Variants in SHTN1 observed in about 807,000 individuals in gnomAD.
SHTN1 encodes the protein shootin-1.
SHTN1 carries 42 observed loss-of-function variants against 83.1 expected under a neutral mutation model. The ratio of observed to expected loss-of-function variants is 0.51; its 90% CI spans 0.39 to 0.65. The LOEUF is 0.65. Among genes scored for constraint, SHTN1 ranks in the 30% least tolerant of loss-of-function variants. The pLI, the probability that SHTN1 is intolerant of heterozygous loss-of-function variation, is 0.00. For missense variants in SHTN1, 622 were observed against 737.8 expected (o/e 0.84, Z 1.82); for synonymous variants, 224 against 247.7 (o/e 0.90, Z 0.90).
chr10:116,903,925 G>A (rs1942033027), intron 15 of SHTN1, among the ~76,000 whole-genome samples: 1 of 152,180 alleles, frequency 6.6e-6, no homozygotes, highest in South Asian at 2.1e-4. Flanking sequence ...TTCTCCAAGA[G>A]GCACTTGCTG....
intron 16 of SHTN1, among the ~76,000 whole-genome samples, chr10:116,895,854 G>GT (rs1847498792): frequency 6.6e-6 from 1 of 152,134 alleles, no homozygotes; most frequent in Admixed American, 6.5e-5. Flanking sequence ...TTTCTCACCT[G>GT]TAAAATTGGG....
At chr10:117,107,973 G>A (rs1319218288) in intron 1 of SHTN1, among the ~76,000 whole-genome samples, 1 of 152,168 alleles carries the variant, frequency 6.6e-6, no homozygotes, top group East Asian at 1.9e-4. Context: ...TTACAGGCAT[G>A]AGCCACTGCA....
intron 2 of SHTN1, among the ~76,000 whole-genome samples, chr10:117,028,218 G>A (rs1852358331): frequency 1.3e-5 from 2 of 152,154 alleles, no homozygotes; most frequent in African/African-American, 4.8e-5. Context: ...TTTCTAAGCA[G>A]AAAACTATTC....
chr10:117,118,038 T>C (rs542764990), intron 1 of SHTN1, among the ~76,000 whole-genome samples: 1 of 152,062 alleles, frequency 6.6e-6, no homozygotes, highest in South Asian at 2.1e-4. Context: ...AAATAGACAA[T>C]GGGATTACAT....
Position 116,995,711 on chromosome 10 carries a change from G to A in SHTN1, c.58+9311C>T, listed in dbSNP as rs7922866. Among the ~76,000 whole-genome samples the A allele has an allele frequency of 7.3e-3, 1,111 of 151,784 alleles. 18 individuals are homozygous for A. The highest frequency in any genetic ancestry group is 0.023 in the African/African-American group (963 of 41,400). On this transcript the variant is annotated intron_variant, in intron 1 of 16. Transcript: ENST00000355371. Reference sequence around the variant, plus strand: ...ATTGCCAAAGTTTGATGAGAATGTCGTATTTTCTGATATGACCAGTTTTTG... The same window carrying A: ...ATTGCCAAAGTTTGATGAGAATGTCATATTTTCTGATATGACCAGTTTTTG...
chr10:117,123,633 G>C (rs367772227), intron 1 of SHTN1, among the ~76,000 whole-genome samples: 65 of 152,148 alleles, frequency 4.3e-4, no homozygotes, highest in African/African-American at 1.5e-3. Context: ...GGCCAGGCAC[G>C]GTGGCTCACG....
rs984303868 is a variant in SHTN1, at chr10:116,940,404, AAT to A, written c.858+60_858+61del. ...GACTGCACTGGCTCCCTTCATCTTA[AAT>A]ATATGTGTGTATGCATGTATGTGTG... On this transcript the variant is annotated intron_variant, in intron 9 of 16. Transcript: ENST00000355371. 2.7e-6 allele frequency: 4 copies of A among 1,484,324 alleles called. No homozygotes were observed. In the Admixed American group the frequency reaches 7.6e-5, roughly 28 times the overall value. The allele number at this position is 1,484,324 out of a possible 1,614,324, so 91.9% of individuals were successfully genotyped here. A position where few individuals can be genotyped will look rare whatever the true frequency, so the allele number is the denominator to read the frequency against.
intron 1 of SHTN1, among the ~76,000 whole-genome samples, chr10:117,110,314 G>T (rs1853746458): frequency 6.6e-6 from 1 of 152,102 alleles, no homozygotes; most frequent in African/African-American, 2.4e-5. Flanking sequence ...AGGCAGTCTT[G>T]AATTTTTTTC....
chr10:117,085,973 T>C (rs1232511529), intron 1 of SHTN1, among the ~76,000 whole-genome samples: 1 of 139,570 alleles, frequency 7.2e-6, no homozygotes, highest in Non-Finnish European at 1.5e-5. Context: ...CAGGCTGGAG[T>C]GCAGTAGCGT....
intron 1 of SHTN1, among the ~76,000 whole-genome samples, chr10:117,064,210 A>G (rs983973647): frequency 1.3e-5 from 2 of 152,208 alleles, no homozygotes; most frequent in African/African-American, 4.8e-5. Context: ...TGCTCCAACC[A>G]TGAGTTTGCT....
At chr10:116,949,025 A>G (rs1849683744) in intron 6 of SHTN1, 28 bp from the exon 7 acceptor site, 1 of 1,497,836 alleles carries the variant, frequency 6.7e-7, no homozygotes, top group Non-Finnish European at 8.9e-7. Flanking sequence ...TGAGGGGAGA[A>G]AACACCAAAA....
At chr10:117,007,399 T>C (rs960475450), upstream of SHTN1, among the ~76,000 whole-genome samples, 1 of 151,678 alleles carries the variant, frequency 6.6e-6, no homozygotes, top group African/African-American at 2.4e-5. Flanking sequence ...TAAGAATGAG[T>C]TAATTATCAA....
intron 1 of SHTN1, among the ~76,000 whole-genome samples, chr10:117,099,039 C>CACACACAT (rs1176843107): frequency 2.0e-5 from 3 of 150,854 alleles, no homozygotes; most frequent in South Asian, 2.1e-4. Flanking sequence ...CACACACACA[C>CACACACAT]ACACACCATA....
chr10:117,030,769 T>A (rs991551470), intron 2 of SHTN1, among the ~76,000 whole-genome samples: 8 of 151,796 alleles, frequency 5.3e-5, no homozygotes, highest in Admixed American at 5.3e-4. Context: ...AAGAAAGAAT[T>A]AGTGAACTTG....
intron 3 of SHTN1, among the ~76,000 whole-genome samples, chr10:116,963,051 T>G (rs1018349141): frequency 1.0e-3 from 11 of 11,008 alleles, no homozygotes; most frequent in South Asian, 3.8e-3. Context: ...TTTTTTTTTT[T>G]TTTTTTTTTT....
At chr10:116,973,560 A>C (rs981047722) in intron 2 of SHTN1, among the ~76,000 whole-genome samples, 4 of 152,226 alleles carry the variant, frequency 2.6e-5, no homozygotes, top group African/African-American at 9.6e-5. Flanking sequence ...GGCACAATAC[A>C]TGAACACAAT....
intron 4 of SHTN1, among the ~76,000 whole-genome samples, chr10:116,957,237 G>A (rs922063008): frequency 6.6e-6 from 1 of 150,984 alleles, no homozygotes; most frequent in Non-Finnish European, 1.5e-5. Flanking sequence ...TATGTCTAAG[G>A]CAAAAATATA....
chr10:116,908,980 CA>C (rs1236594557), intron 14 of SHTN1, among the ~76,000 whole-genome samples: 1 of 152,156 alleles, frequency 6.6e-6, no homozygotes, highest in Admixed American at 6.5e-5. Flanking sequence ...GCATGACTCT[CA>C]ACTGAAATGA....
intron 1 of SHTN1, among the ~76,000 whole-genome samples, chr10:116,995,934 A>C (rs1436356599): frequency 6.6e-6 from 1 of 152,144 alleles, no homozygotes; most frequent in African/African-American, 2.4e-5. Context: ...GCACAATCTG[A>C]TGTTGAGTCC....
Sources: allele counts gnomAD v4.1 joint callset (sites outside exome capture counted in the v4.1 genomes callset), GRCh38; gene constraint gnomAD v4.1.1; transcripts MANE v1.5; gene names NCBI Gene and HGNC (gene_info 2026-07-23, HGNC 2026-07-21).